MICOS10: variants seen among roughly 807,000 people sequenced by gnomAD.
MICOS10 encodes MICOS complex subunit MIC10.
In MICOS10, 5 loss-of-function variants were observed where a neutral mutation model predicts 13.4. The ratio of observed to expected loss-of-function variants is 0.37; its 90% CI spans 0.20 to 0.78. The LOEUF is 0.78. Among genes scored for constraint, MICOS10 ranks in the 30% least tolerant of loss-of-function variants. The probability of loss-of-function intolerance (pLI) is 0.47; values close to 1 mark genes in which losing one functional copy is unlikely to be tolerated. For synonymous variants in MICOS10, 35 were observed against 33.6 expected, an observed-to-expected ratio of 1.04 and a Z score of -0.15; for missense variants, 101 against 94.6, an observed-to-expected ratio of 1.07 and a Z score of -0.28.
At position 19,617,919 on chromosome 1, in the gene MICOS10, G is replaced by T. The variant is rs200468532; in HGVS notation, c.65-4181G>T. 6.2e-5 allele frequency among the ~76,000 whole-genome samples: 9 copies of T among 146,216 alleles called. No individual in the cohort carries two copies. The South Asian group carries it at 1.9e-3, about 31-fold the overall frequency. ...CCTCTATTAAAAAATATATATATAT[G>T]TATATATATACACATACACACACAG... On this transcript the variant is annotated intron_variant, in intron 1 of 3. Transcript: ENST00000322753.
At chr1:19,622,234 AT>A in intron 2 of MICOS10, 87 bp downstream of exon 2, 2 of 1,106,378 alleles carry the variant, frequency 1.8e-6, no homozygotes, top group Non-Finnish European at 2.6e-6. Flanking sequence ...ATTGGAACCC[AT>A]CAATTTGTGG....
At chr1:19,621,866 C>T (rs1429972427) in intron 1 of MICOS10, among the ~76,000 whole-genome samples, 5 of 152,194 alleles carry the variant, frequency 3.3e-5, no homozygotes, top group South Asian at 2.1e-4. Context: ...CCCCACACCC[C>T]GCAACTTGTC....
chr1:19,623,088 A>C (rs931800301), intron 2 of MICOS10, among the ~76,000 whole-genome samples: 1 of 151,660 alleles, frequency 6.6e-6, no homozygotes, highest in Non-Finnish European at 1.5e-5. Context: ...TGCCTGGCTA[A>C]TTTTTTTGTA....
At chr1:19,605,858 A>G (rs1385940721) in intron 1 of MICOS10, among the ~76,000 whole-genome samples, 1 of 152,002 alleles carries the variant, frequency 6.6e-6, no homozygotes, top group African/African-American at 2.4e-5. Flanking sequence ...TCAGCCCCCC[A>G]GTTTTTATGT....
rs764113991 is a variant in MICOS10, at chr1:19,597,056, C to T, written c.11C>T (p.Ser4Leu). The T allele has an allele frequency of 3.1e-6, 5 of 1,590,974 alleles. No individual in the cohort carries two copies. The highest frequency in any genetic ancestry group is 2.8e-5 in the African/African-American group (2 of 72,518). The change falls in exon 1 of 4, where the codon TCG (serine) becomes TTG (leucine). Residue 4 changes from serine (S) to leucine (L), a missense_variant. Physicochemically the swap from Ser to Leu is moderately radical, Grantham distance 145 (BLOSUM62 -2). Coordinates refer to ENST00000322753, the MANE Select transcript of MICOS10 (RefSeq NM_001032363.4). ...GCGCGGGTGGGGAACATGTCTGAGT[C>T]GGAGCTCGGCAGGAAGTGGGACCGG... is the stretch of plus-strand genomic sequence containing the variant. MSE[S>L]ELGRKWDRCL...
intron 1 of MICOS10, among the ~76,000 whole-genome samples, chr1:19,603,668 G>A (rs2094824447): frequency 6.6e-6 from 1 of 152,192 alleles, no homozygotes; most frequent in Non-Finnish European, 1.5e-5. Context: ...ACTAATCCAT[G>A]TATTGGTTTA....
intron 2 of MICOS10, among the ~76,000 whole-genome samples, chr1:19,623,190 G>T (rs1027722937): frequency 1.3e-4 from 20 of 151,988 alleles, no homozygotes; most frequent in Non-Finnish European, 2.5e-4. Flanking sequence ...CAGAGTGCGG[G>T]GATTACAGTT....
intron 1 of MICOS10, among the ~76,000 whole-genome samples, chr1:19,616,377 T>C (rs556332313): frequency 9.9e-5 from 15 of 152,262 alleles, no homozygotes; most frequent in Non-Finnish European, 1.8e-4. Context: ...GCTGGAGATA[T>C]TGGAGATGTT....
intron 2 of MICOS10, among the ~76,000 whole-genome samples, chr1:19,622,877 T>C (rs552601718): frequency 3.4e-4 from 52 of 152,034 alleles, no homozygotes; most frequent in African/African-American, 1.2e-3. Flanking sequence ...AGAACTGATA[T>C]AGAGAAGTTA....
At chr1:19,616,051 T>C (rs2094883235) in intron 1 of MICOS10, among the ~76,000 whole-genome samples, 1 of 152,112 alleles carries the variant, frequency 6.6e-6, no homozygotes, top group South Asian at 2.1e-4. Context: ...CCCGAGTAGC[T>C]GGGACTACAG....
chr1:19,623,961 C>T (rs991174074), intron 3 of MICOS10, among the ~76,000 whole-genome samples: 6 of 152,170 alleles, frequency 3.9e-5, no homozygotes, highest in Admixed American at 2.6e-4. Context: ...CAAAGACTTC[C>T]GGGACTCAGC....
rs1570516275 is a variant in MICOS10, at chr1:19,626,498, A to C, written c.*97A>C. 1 of 1,348,130 alleles carries C rather than the reference A, an allele frequency of 7.4e-7. No homozygotes were observed. The highest frequency in any genetic ancestry group is 1.1e-6 in the Non-Finnish European group (1 of 947,772). The allele number at this position is 1,348,130 out of a possible 1,614,324, so 83.5% of individuals were successfully genotyped here. Reference sequence around the variant, plus strand: ...TGGAGTAAGCTGCCATTCTTCTGTAACAATGTTATCAGTAATGCTTTAAAC... The same window carrying C: ...TGGAGTAAGCTGCCATTCTTCTGTACCAATGTTATCAGTAATGCTTTAAAC... On this transcript the variant is annotated 3_prime_UTR_variant, in exon 4 of 4. Coordinates refer to ENST00000322753, the MANE Select transcript of MICOS10 (RefSeq NM_001032363.4).
chr1:19,615,590 C>A (rs75396705), intron 1 of MICOS10, among the ~76,000 whole-genome samples: 1 of 151,824 alleles, frequency 6.6e-6, no homozygotes, highest in Non-Finnish European at 1.5e-5. Flanking sequence ...TTTTTCCCCC[C>A]AAGACAGAGT....
At chr1:19,610,367 C>CTTTTTTT (rs773668659) in intron 1 of MICOS10, among the ~76,000 whole-genome samples, 34 of 11,916 alleles carry the variant, frequency 2.9e-3, no homozygotes, top group South Asian at 5.3e-3. Context: ...CACCCCCCGG[C>CTTTTTTT]TTTTTTTTTT....
rs2100221064 is a variant in MICOS10, at chr1:19,597,024, G to A, written c.-22G>A. The stretch of plus-strand genomic sequence containing the variant: ...AGCGCGGGGGCCGGCCGAGAGGAAA[G>A]CTGGAGGCGCGGGTGGGGAACATGT... On this transcript the variant is annotated 5_prime_UTR_variant, in exon 1 of 4. Coordinates refer to ENST00000322753, the MANE Select transcript of MICOS10 (RefSeq NM_001032363.4). 2 of 1,575,982 alleles carry A rather than the reference G, an allele frequency of 1.3e-6. No individual in the cohort carries two copies. Among genetic ancestry groups the A allele is most frequent in the Admixed American group, 1.9e-5 (1 of 52,218 alleles).
chr1:19,620,862 A>G (rs183344895), intron 1 of MICOS10, among the ~76,000 whole-genome samples: 22 of 152,360 alleles, frequency 1.4e-4, no homozygotes, highest in Non-Finnish European at 1.5e-5. Flanking sequence ...AAAATAGAAG[A>G]GACAGGCATG....
Position 19,622,088 on chromosome 1 carries a change from C to A in MICOS10, c.65-12C>A. 6.2e-7 allele frequency: 1 copy of A among 1,605,446 alleles called. No individual in the cohort carries two copies. The highest frequency in any genetic ancestry group is 8.5e-7 in the Non-Finnish European group (1 of 1,173,750). ...CTATGAGATTTAGCATGTTTTTTCT[C>A]CCTCTTTGTAGGTACTGGTTTTGGA... On this transcript the variant is annotated splice_polypyrimidine_tract_variant and intron_variant, in intron 1 of 3. Coordinates refer to ENST00000322753, the MANE Select transcript of MICOS10 (RefSeq NM_001032363.4).
intron 1 of MICOS10, among the ~76,000 whole-genome samples, chr1:19,604,342 T>C (rs749975739): frequency 1.2e-4 from 19 of 152,126 alleles, no homozygotes; most frequent in Non-Finnish European, 2.5e-4. Flanking sequence ...ACCCAGTCTC[T>C]ACTAGACATA....
At chr1:19,608,410 C>T in intron 1 of MICOS10, 1 of 1,264,604 alleles carries the variant, frequency 7.9e-7, no homozygotes, top group Non-Finnish European at 1.2e-6. Context: ...AACTCCGGGC[C>T]ACAGGAGGAA....
Sources: allele counts gnomAD v4.1 joint callset (sites outside exome capture counted in the v4.1 genomes callset), GRCh38; gene constraint gnomAD v4.1.1; transcripts MANE v1.5; gene names NCBI Gene and HGNC (gene_info 2026-07-23, HGNC 2026-07-21).